KIAA0513: variants seen among roughly 807,000 people sequenced by gnomAD.
The protein encoded by KIAA0513 is KIAA0513.
KIAA0513 carries 39 observed loss-of-function variants against 56.5 expected under a neutral mutation model. The observed-to-expected ratio is 0.69, with a 90% confidence interval of 0.53 to 0.90. The LOEUF (loss-of-function observed/expected upper bound fraction) is 0.90, where lower values mean the gene tolerates loss of function less well. Ranked by LOEUF, KIAA0513 falls within the 40% of genes least tolerant of loss-of-function variation. KIAA0513 has a pLI of 0.00. For synonymous variants in KIAA0513, 268 were observed against 215.6 expected (o/e 1.24, Z -2.13); for missense variants, 591 against 535.2 (o/e 1.10, Z -1.03).
chr16:85,032,342 CCTT>C (rs367646307), intron 1 of KIAA0513, among the ~76,000 whole-genome samples: 69 of 152,336 alleles, frequency 4.5e-4, no homozygotes, highest in Non-Finnish European at 7.1e-4. Flanking sequence ...TCCATTGTGA[CCTT>C]CTGTTTTCTT....
intron 1 of KIAA0513, among the ~76,000 whole-genome samples, chr16:85,066,592 T>A (rs1281226852): frequency 3.3e-5 from 5 of 152,166 alleles, no homozygotes; most frequent in African/African-American, 1.2e-4. Flanking sequence ...CAGCCCAGGA[T>A]GGGCCTTTTC....
intron 9 of KIAA0513, among the ~76,000 whole-genome samples, chr16:85,082,056 A>T (rs1391568936): frequency 6.6e-6 from 1 of 152,248 alleles, no homozygotes; most frequent in Non-Finnish European, 1.5e-5. Flanking sequence ...CTCCTCATTA[A>T]TAAAGCACAT....
intron 5 of KIAA0513, among the ~76,000 whole-genome samples, chr16:85,077,112 G>A (rs1481109357): frequency 6.6e-6 from 1 of 152,164 alleles, no homozygotes; most frequent in East Asian, 1.9e-4. Context: ...GCATGGTCGG[G>A]CCTCTGCCCT....
intron 10 of KIAA0513, 39 bp downstream of exon 10, chr16:85,082,632 C>T (rs762393855): frequency 1.2e-5 from 20 of 1,608,800 alleles, no homozygotes; most frequent in East Asian, 1.1e-4. Flanking sequence ...TTTTACAGTG[C>T]GGGCTCCTGC....
intron 1 of KIAA0513, among the ~76,000 whole-genome samples, chr16:85,040,524 T>C (rs961349578): frequency 6.6e-6 from 1 of 152,030 alleles, no homozygotes; most frequent in African/African-American, 2.4e-5. Flanking sequence ...GATGAGAATC[T>C]GCCTCAAAAA....
intron 1 of KIAA0513, among the ~76,000 whole-genome samples, chr16:85,029,662 G>A (rs1219742770): frequency 6.6e-6 from 1 of 152,130 alleles, no homozygotes; most frequent in Non-Finnish European, 1.5e-5. Flanking sequence ...CTCTCATAAA[G>A]CAAAAGTAAT....
At chr16:85,032,622 T>C (rs1226727809) in intron 1 of KIAA0513, among the ~76,000 whole-genome samples, 2 of 151,960 alleles carry the variant, frequency 1.3e-5, no homozygotes, top group Non-Finnish European at 2.9e-5. Flanking sequence ...TCTTAACTAA[T>C]TACATCCACA....
chr16:85,080,169 A>G (rs2073722504), intron 8 of KIAA0513, among the ~76,000 whole-genome samples: 1 of 81,676 alleles, frequency 1.2e-5, no homozygotes, highest in Admixed American at 1.2e-4. Flanking sequence ...CCCGGTTCCC[A>G]TGGAAGCAGA....
chr16:85,078,981 C>G lies in KIAA0513; in HGVS notation c.880C>G (p.His294Asp). 2 of 1,614,180 alleles carry G rather than the reference C, an allele frequency of 1.2e-6. No individual in the cohort carries two copies. The highest frequency in any genetic ancestry group is 1.3e-5 in the African/African-American group (1 of 75,036). The change falls in exon 8 of 13, where the codon CAC becomes GAC. Residue 294 changes from histidine to aspartate, a missense_variant. Physicochemically the swap from His to Asp is moderately conservative, Grantham distance 81 (BLOSUM62 -1). Transcript: ENST00000683363. ...KKGEKIYLYT[H>D]LKQQPIWHTL... is the part of the protein sequence containing the mutation. ...GGGGGAGAAGATCTACCTGTACACG[C>G]ACCTGAAGCAACAGCCCATCTGGTA... is the stretch of plus-strand genomic sequence containing the variant.
chr16:85,072,185 T>G (rs761934652), intron 3 of KIAA0513, among the ~76,000 whole-genome samples: 5 of 151,920 alleles, frequency 3.3e-5, no homozygotes, highest in Non-Finnish European at 5.9e-5. Flanking sequence ...AGGTCCCCCC[T>G]CCCCGCATCT....
chr16:85,086,790 C>CTGG, intron 11 of KIAA0513, 66 bp downstream of exon 11: 4 of 1,382,396 alleles, frequency 2.9e-6, no homozygotes, highest in Non-Finnish European at 4.0e-6. Flanking sequence ...GCTGTCACAC[C>CTGG]TGGTATCACA....
chr16:85,061,574 G>C (rs1408672237), intron 1 of KIAA0513, among the ~76,000 whole-genome samples: 2 of 152,234 alleles, frequency 1.3e-5, no homozygotes. Context: ...GAAAAGAGAG[G>C]AGAGTCTTGA....
At chr16:85,044,546 C>T (rs942774316) in intron 1 of KIAA0513, among the ~76,000 whole-genome samples, 3 of 150,114 alleles carry the variant, frequency 2.0e-5, no homozygotes, top group Non-Finnish European at 3.0e-5. Context: ...CTCGCCCTGT[C>T]GCCAGGCTGG....
chr16:85,056,054 T>C (rs571543027), intron 1 of KIAA0513, among the ~76,000 whole-genome samples: 1 of 152,246 alleles, frequency 6.6e-6, no homozygotes, highest in African/African-American at 2.4e-5. Flanking sequence ...TGTTTGTGCC[T>C]GTGGTTCAGC....
intron 1 of KIAA0513, among the ~76,000 whole-genome samples, chr16:85,052,897 AT>A (rs1031394775): frequency 6.6e-6 from 1 of 151,494 alleles, no homozygotes; most frequent in African/African-American, 2.4e-5. Flanking sequence ...TTTTATTTTT[AT>A]TTTTTTTATT....
intron 1 of KIAA0513, among the ~76,000 whole-genome samples, chr16:85,040,531 A>G (rs1290089684): frequency 6.6e-6 from 1 of 152,140 alleles, no homozygotes; most frequent in East Asian, 1.9e-4. Flanking sequence ...ATCTGCCTCA[A>G]AAAAAAGAAA....
At chr16:85,041,126 T>C (rs1180522026) in intron 1 of KIAA0513, among the ~76,000 whole-genome samples, 5 of 152,214 alleles carry the variant, frequency 3.3e-5, no homozygotes, top group African/African-American at 1.2e-4. Flanking sequence ...GTTTCAGTTT[T>C]AGGGTTTTGG....
At chr16:85,080,307 A>G (rs1462031812) in intron 8 of KIAA0513, among the ~76,000 whole-genome samples, 1 of 152,208 alleles carries the variant, frequency 6.6e-6, no homozygotes, top group Non-Finnish European at 1.5e-5. Context: ...CAGATAATAA[A>G]TATGTTAGAC....
chr16:85,029,158 T>C (rs2072928672), intron 1 of KIAA0513, among the ~76,000 whole-genome samples: 1 of 152,214 alleles, frequency 6.6e-6, no homozygotes, highest in Admixed American at 6.5e-5. Context: ...CTTACGCCTT[T>C]GAAACACAGG....
Sources: gnomAD v4.1 joint callset for allele counts (sites outside exome capture counted in the v4.1 genomes callset) on GRCh38, gnomAD v4.1.1 for gene constraint, MANE v1.5 for transcripts, NCBI Gene and HGNC (gene_info 2026-07-23, HGNC 2026-07-21) for gene names.